The following SH2D5 variants were observed in gnomAD, a reference collection of about 807,000 sequenced individuals.
SH2D5 encodes the protein SH2 domain containing 5, also known as SH2 domain-containing protein 5.
In SH2D5, 45 loss-of-function variants were observed where a neutral mutation model predicts 48.2. The ratio of observed to expected loss-of-function variants is 0.93; its 90% CI spans 0.73 to 1.20. The LOEUF is 1.20. Ranked by LOEUF, SH2D5 falls within the 50% of genes most tolerant of loss-of-function variation. The pLI is 0.00. For missense variants in SH2D5, 538 were observed against 584.1 expected (o/e 0.92, Z 0.81); for synonymous variants, 230 against 249.8 (o/e 0.92, Z 0.75).
intron 1 of SH2D5, among the ~76,000 whole-genome samples, chr1:20,730,074 C>G (rs551515829): frequency 6.6e-6 from 1 of 151,720 alleles, no homozygotes; most frequent in Non-Finnish European, 1.5e-5. Flanking sequence ...CCAGTGAAGC[C>G]GCCTTTCAAC....
At chr1:20,727,636 G>T in intron 2 of SH2D5, 33 bp from the exon 3 acceptor site, 2 of 1,573,572 alleles carry the variant, frequency 1.3e-6, no homozygotes, top group South Asian at 2.3e-5. Flanking sequence ...GAGTAAGGCG[G>T]GGAGTCAGGC....
At chr1:20,722,709 C>T in intron 9 of SH2D5, 47 bp downstream of exon 9, 1 of 1,409,026 alleles carries the variant, frequency 7.1e-7, no homozygotes, top group South Asian at 1.6e-5. Context: ...AGGGATGGAG[C>T]CAATGATGCG....
Position 20,721,894 on chromosome 1 carries a change from G to T in SH2D5, c.1170C>A (p.Pro390=). Residue 390 remains proline (P), a synonymous_variant, in exon 10 of 10, where the codon CCC becomes CCA. Transcript: ENST00000444387. ...GCCCACAGTCCTGCTCCTCGTAGGT[G>T]GGGTTCAGGCGGCCCATGTCGAGGG... ...FCPLDMGRLN[P]TYEEQDCGPP... is the part of the protein sequence containing the mutation. 1 of 1,613,170 alleles carries T rather than the reference G, an allele frequency of 6.2e-7. No individual in the cohort carries two copies. Among genetic ancestry groups the T allele is most frequent in the South Asian group, 1.1e-5 (1 of 91,078 alleles).
rs776874001 is a variant in SH2D5, at chr1:20,722,896, A to C, written c.928T>G (p.Leu310Val). The C allele has an allele frequency of 4.4e-6, 7 of 1,600,044 alleles. No individual in the cohort carries two copies. Among genetic ancestry groups the C allele is most frequent in the Non-Finnish European group, 6.0e-6 (7 of 1,173,548 alleles). The change falls in exon 9 of 10, where the codon TTG (leucine) becomes GTG (valine). Residue 310 changes from leucine (L) to valine (V), a missense_variant. Transcript: ENST00000444387. The part of the protein sequence containing the change: ...GISRPCALAL[L>V]RRDVLGAFLL... ...AAGGCCCCCAGCACGTCTCTCCGCA[A>C]CAGGGCCAGGGCACAGGGCCTAGGA...
Position 20,724,624 on chromosome 1 carries a change from C to A in SH2D5, c.402G>T (p.Leu134=). 1 of 1,574,220 alleles carries A rather than the reference C, an allele frequency of 6.4e-7. No homozygotes were observed. Among genetic ancestry groups the A allele is most frequent in the Non-Finnish European group, 8.6e-7 (1 of 1,162,022 alleles). ...VGSQPGEVQI[L]HLLLCRSFQL... ...GGAAAGAGCGGCACAGCAGCAGGTGCAGGATCTGGACCTGGGAGGGAGGGA... is the reference window on the plus strand; with the variant it reads ...GGAAAGAGCGGCACAGCAGCAGGTGAAGGATCTGGACCTGGGAGGGAGGGA... Residue 134 remains leucine, a synonymous_variant, in exon 6 of 10, where the codon CTG becomes CTT. Coordinates refer to ENST00000444387, the MANE Select transcript of SH2D5 (RefSeq NM_001103161.2).
chr1:20,723,222 C>T (rs541297491), intron 8 of SH2D5, among the ~76,000 whole-genome samples: 33 of 152,342 alleles, frequency 2.2e-4, no homozygotes, highest in African/African-American at 7.0e-4. Context: ...AAAAACCCAA[C>T]ATGGGGTCTG....
At chr1:20,726,188 T>A in intron 4 of SH2D5, 122 bp from the exon 5 acceptor site, 1 of 1,231,942 alleles carries the variant, frequency 8.1e-7, no homozygotes, top group Non-Finnish European at 1.1e-6. Context: ...CAAGCCCTCA[T>A]CCTTCACATG....
rs571294142 is a variant in SH2D5, at chr1:20,722,997, G to C, written c.909-82C>G. 1.1e-4 allele frequency: 146 copies of C among 1,323,726 alleles called. 2 individuals carry two copies. In the South Asian group the frequency reaches 2.4e-3, roughly 21 times the overall value. The allele number at this position is 1,323,726 out of a possible 1,614,324, so 82.0% of individuals were successfully genotyped here. On this transcript the variant is annotated intron_variant, in intron 8 of 9. Coordinates refer to ENST00000444387, the MANE Select transcript of SH2D5 (RefSeq NM_001103161.2). ...TGAGGACCCCAGCAGCATCGAGGCA[G>C]CCTGCGGATTAAATGCCCTTAAACA...
chr1:20,727,758 C>A (rs1570510123), intron 2 of SH2D5, among the ~76,000 whole-genome samples, 155 bp from the exon 3 acceptor site: 1 of 152,226 alleles, frequency 6.6e-6, no homozygotes, highest in East Asian at 1.9e-4. Context: ...CTGCTGCTTC[C>A]CCAGCAGGAG....
At chr1:20,726,504 T>C (rs2054801573) in intron 4 of SH2D5, among the ~76,000 whole-genome samples, 1 of 152,112 alleles carries the variant, frequency 6.6e-6, no homozygotes. Flanking sequence ...TGCCCAGCTC[T>C]GGGGACACCA....
rs1355952547 is a variant in SH2D5, at chr1:20,732,194, C to A, written c.-56G>T. On this transcript the variant is annotated 5_prime_UTR_variant, in exon 1 of 10. Transcript: ENST00000444387. The surrounding 1 kb of genome is among the most constrained non-coding windows in gnomAD (Gnocchi z 5.1). ...CGCCTCACTCACCAATCGGCGCCCGCGGAGCCGCTCCGCTCGGCCGCACCA... is the reference window on the plus strand; with the variant it reads ...CGCCTCACTCACCAATCGGCGCCCGAGGAGCCGCTCCGCTCGGCCGCACCA... The A allele has an allele frequency of 6.6e-6, 1 of 152,090 alleles. No individual in the cohort carries two copies. Among genetic ancestry groups the A allele is most frequent in the Non-Finnish European group, 1.5e-5 (1 of 68,006 alleles). The allele number at this position is 152,090 out of a possible 1,614,324, so 9.4% of individuals were successfully genotyped here.
rs768858013 is a variant in SH2D5, at chr1:20,727,986, C to A, written c.59G>T (p.Arg20Leu). 1.3e-6 allele frequency: 2 copies of A among 1,572,126 alleles called. No homozygotes were observed. Among genetic ancestry groups the A allele is most frequent in the Non-Finnish European group, 1.7e-6 (2 of 1,159,540 alleles). ...RASDCGLAPHRPRCITKFAQY... is the reference protein window; with the variant it reads ...RASDCGLAPHLPRCITKFAQY... ...GGCAAACTTGGTGATGCACCTGGGC[C>A]GGTGAGGGGCCAGCCCGCAGTCAGA... The change falls in exon 2 of 10, where the codon CGG becomes CTG. Residue 20 changes from arginine (R) to leucine (L), a missense_variant. Transcript: ENST00000444387.
At chr1:20,722,048 G>T in intron 9 of SH2D5, 53 bp from the exon 10 acceptor site, 1 of 1,546,068 alleles carries the variant, frequency 6.5e-7, no homozygotes, top group Non-Finnish European at 8.8e-7. Flanking sequence ...GCTCACGCCA[G>T]GCACCAGCCA....
At position 20,726,036 on chromosome 1, in the gene SH2D5, T is replaced by C. The variant is rs772682411; in HGVS notation, c.274A>G (p.Ile92Val). ...VLLMAHALRR[I>V]LYSTWCPADC... Reference sequence around the variant, plus strand: ...GCAGGGCACCAGGTGGAGTAGAGTATGCGCCTCAGGGCATGAGCCATCAGC... The same window carrying C: ...GCAGGGCACCAGGTGGAGTAGAGTACGCGCCTCAGGGCATGAGCCATCAGC... Residue 92 changes from isoleucine (I) to valine (V), a missense_variant, in exon 5 of 10, where the codon ATA becomes GTA. Physicochemically the swap from Ile to Val is conservative, Grantham distance 29. Transcript: ENST00000444387. 11 of 1,609,842 alleles carry C rather than the reference T, an allele frequency of 6.8e-6. 1 individual carries two copies. The highest frequency in any genetic ancestry group is 2.2e-5 in the South Asian group (2 of 90,160).
chr1:20,725,848 GAA>G, intron 5 of SH2D5, 70 bp downstream of exon 5: 1 of 1,577,676 alleles, frequency 6.3e-7, no homozygotes, highest in Non-Finnish European at 8.6e-7. Context: ...AGCCCTCAAG[GAA>G]CCCACCCTGA....
chr1:20,725,828 G>A (rs772200096), intron 5 of SH2D5, 92 bp downstream of exon 5: 212 of 1,511,516 alleles, frequency 1.4e-4, no homozygotes, highest in Non-Finnish European at 1.8e-4. Flanking sequence ...GGATCAGGCC[G>A]CCCTGGCAAA....
At chr1:20,722,701 G>T in intron 9 of SH2D5, 55 bp downstream of exon 9, 1 of 1,403,164 alleles carries the variant, frequency 7.1e-7, no homozygotes, top group Non-Finnish European at 9.4e-7. Context: ...GAAGGGCCAG[G>T]GATGGAGCCA....
rs1460416788 is a variant in SH2D5, at chr1:20,726,025, G to A, written c.285C>T (p.Ser95=). 1 of 1,611,360 alleles carries A rather than the reference G, an allele frequency of 6.2e-7. No homozygotes were observed. The highest frequency in any genetic ancestry group is 1.1e-5 in the South Asian group (1 of 90,444). The change falls in exon 5 of 10, where the codon TCC becomes TCT. Residue 95 remains serine (S), a synonymous_variant. Coordinates refer to ENST00000444387, the MANE Select transcript of SH2D5 (RefSeq NM_001103161.2). The stretch of plus-strand genomic sequence containing the variant: ...ACTGGCAGTCGGCAGGGCACCAGGT[G>A]GAGTAGAGTATGCGCCTCAGGGCAT... ...MAHALRRILY[S]TWCPADCQFA...
In SH2D5 at chr1:20,726,089, C is replaced by T. The variant is rs1203793699; in HGVS notation, c.244-23G>A. ...CACCTGGCGAGGCAGCAGTGTGAGG[C>T]CCCCATCAGACCCACCGGGCAGCCC... On this transcript the variant is annotated intron_variant, in intron 4 of 9. Coordinates refer to ENST00000444387, the MANE Select transcript of SH2D5 (RefSeq NM_001103161.2). 3 of 1,576,974 alleles carry T rather than the reference C, an allele frequency of 1.9e-6. No individual in the cohort carries two copies. In the East Asian group the frequency reaches 7.0e-5, roughly 37 times the overall value.
Sources: gnomAD v4.1 joint callset for allele counts (sites outside exome capture counted in the v4.1 genomes callset) on GRCh38, gnomAD v4.1.1 for gene constraint, Gnocchi (gnomAD v3.1) non-coding constraint, MANE v1.5 for transcripts, NCBI Gene and HGNC (gene_info 2026-07-23, HGNC 2026-07-21) for gene names.